The following MTA3 variants were observed in gnomAD, a reference collection of about 807,000 sequenced individuals.
The protein encoded by MTA3 is metastasis-associated protein MTA3.
In MTA3, 34 loss-of-function variants were observed where a neutral mutation model predicts 83.5. The ratio of observed to expected loss-of-function variants is 0.41; its 90% CI spans 0.31 to 0.54. MTA3 has a LOEUF of 0.54. MTA3 is among the 20% of genes least tolerant of loss of function. MTA3 has a pLI of 0.33. For synonymous variants in MTA3, 303 were observed against 252.7 expected (o/e 1.20, Z -1.89); for missense variants, 761 against 726.4 (o/e 1.05, Z -0.55).
chr2:42,735,433 C>G (rs1398950893), intron 16 of MTA3, among the ~76,000 whole-genome samples: 1 of 152,078 alleles, frequency 6.6e-6, no homozygotes, highest in Non-Finnish European at 1.5e-5. Flanking sequence ...TATTAAATGT[C>G]TTGAGGTAAT....
chr2:42,521,782 T>C (rs1196879184), intron 2 of MTA3, among the ~76,000 whole-genome samples: 2 of 127,628 alleles, frequency 1.6e-5, no homozygotes, highest in Non-Finnish European at 3.1e-5. Flanking sequence ...TGAGACAGAG[T>C]CTCACTCTGT....
At chr2:42,547,615 A>C (rs1032296842) in intron 2 of MTA3, among the ~76,000 whole-genome samples, 3 of 152,032 alleles carry the variant, frequency 2.0e-5, no homozygotes, top group Non-Finnish European at 4.4e-5. Context: ...ACAGGCGTCA[A>C]CCCCCGCGCC....
chr2:42,708,736 G>C, intron 13 of MTA3, 138 bp from the exon 14 acceptor site: 1 of 852,050 alleles, frequency 1.2e-6, no homozygotes, highest in Non-Finnish European at 1.9e-6. Flanking sequence ...CTCTCTTTTA[G>C]AGGTAGTGCA....
At chr2:42,709,181 T>C (rs1008324960) in intron 14 of MTA3, 85 bp downstream of exon 14, 3 of 1,491,686 alleles carry the variant, frequency 2.0e-6, no homozygotes, top group Non-Finnish European at 2.7e-6. Flanking sequence ...TTTTTGTTTG[T>C]TTGTTTGCAA....
chr2:42,676,936 C>T (rs576095324), intron 8 of MTA3, among the ~76,000 whole-genome samples: 2 of 152,138 alleles, frequency 1.3e-5, no homozygotes, highest in South Asian at 2.1e-4. Context: ...TTTTCATTTT[C>T]ATGAGGTTAG....
chr2:42,591,909 A>C (rs190142254), intron 3 of MTA3, among the ~76,000 whole-genome samples: 4 of 152,082 alleles, frequency 2.6e-5, no homozygotes, highest in Admixed American at 1.3e-4. Context: ...TTGACCTCCC[A>C]AAGTGTTGGG....
At chr2:42,748,729 C>A (rs983321093) in intron 16 of MTA3, among the ~76,000 whole-genome samples, 5 of 152,146 alleles carry the variant, frequency 3.3e-5, no homozygotes, top group Admixed American at 2.0e-4. Context: ...TCTTGTTTCT[C>A]ACTGCGCCCA....
intron 11 of MTA3, among the ~76,000 whole-genome samples, chr2:42,699,023 A>G (rs990828926): frequency 5.9e-5 from 9 of 152,170 alleles, no homozygotes; most frequent in Non-Finnish European, 1.0e-4. Flanking sequence ...TTATACTTCA[A>G]AGTGCTGCCA....
At chr2:42,523,806 T>A (rs185725384) in intron 2 of MTA3, among the ~76,000 whole-genome samples, 131 of 152,098 alleles carry the variant, frequency 8.6e-4, no homozygotes, top group African/African-American at 3.1e-3. Context: ...TAGCCCCAGC[T>A]ACTTGGGATG....
intron 6 of MTA3, among the ~76,000 whole-genome samples, chr2:42,645,427 A>T (rs907637061): frequency 1.3e-5 from 2 of 152,182 alleles, no homozygotes; most frequent in East Asian, 3.9e-4. Context: ...CGGGAGGCTG[A>T]GGCAAGAGAA....
intron 2 of MTA3, among the ~76,000 whole-genome samples, chr2:42,536,405 G>A (rs969637817): frequency 1.3e-5 from 2 of 150,792 alleles, no homozygotes; most frequent in Non-Finnish European, 3.0e-5. Flanking sequence ...AACCTGGGAG[G>A]CGGAGGTTGC....
intron 8 of MTA3, among the ~76,000 whole-genome samples, chr2:42,663,324 A>G (rs1689911661): frequency 6.6e-6 from 1 of 152,134 alleles, no homozygotes; most frequent in Non-Finnish European, 1.5e-5. Flanking sequence ...ACTGCTTCCC[A>G]CTGCTGGTGA....
intron 2 of MTA3, among the ~76,000 whole-genome samples, chr2:42,553,268 C>A (rs931080400): frequency 6.6e-6 from 1 of 151,076 alleles, no homozygotes; most frequent in Non-Finnish European, 1.5e-5. Flanking sequence ...ACTAAAAATA[C>A]AAAAAATTCG....
chr2:42,611,668 T>G (rs1193302758), intron 4 of MTA3, among the ~76,000 whole-genome samples: 1 of 152,034 alleles, frequency 6.6e-6, no homozygotes, highest in African/African-American at 2.4e-5. Flanking sequence ...ATATAAAAAT[T>G]AGCTGAGCGT....
At chr2:42,731,411 C>T (rs1668220592) in intron 16 of MTA3, among the ~76,000 whole-genome samples, 1 of 152,146 alleles carries the variant, frequency 6.6e-6, no homozygotes, top group East Asian at 1.9e-4. Flanking sequence ...CTTACAGTTC[C>T]ATATGCCTGG....
In MTA3 at chr2:42,609,551, G is replaced by A; in HGVS notation, c.284G>A (p.Arg95His). ...AAACATAGGGAACTCTTTTTGTCAC[G>A]CCAGTATGAATCTCTGCCCGCAACA... Reference protein sequence around the residue: ...QLKHRELFLSRQYESLPATHI... With the variant: ...QLKHRELFLSHQYESLPATHI... Residue 95 changes from arginine (R) to histidine (H), a missense_variant, in exon 4 of 17, where the codon CGC (arginine) becomes CAC (histidine). Physicochemically the swap from Arg to His is conservative, Grantham distance 29 (BLOSUM62 0). Transcript: ENST00000405094. 1 of 1,613,694 alleles carries A rather than the reference G, an allele frequency of 6.2e-7. No individual in the cohort carries two copies. Among genetic ancestry groups the A allele is most frequent in the Non-Finnish European group, 8.5e-7 (1 of 1,179,728 alleles).
At chr2:42,734,870 C>T (rs1043353708) in intron 16 of MTA3, among the ~76,000 whole-genome samples, 1 of 152,118 alleles carries the variant, frequency 6.6e-6, no homozygotes. Flanking sequence ...TTAACTTCAT[C>T]CCCCGCTTTT....
intron 8 of MTA3, among the ~76,000 whole-genome samples, chr2:42,679,371 T>C (rs1348871803): frequency 6.6e-6 from 1 of 152,162 alleles, no homozygotes; most frequent in Non-Finnish European, 1.5e-5. Flanking sequence ...GTTATATAAG[T>C]TACAATTGGG....
chr2:42,657,597 TC>T (rs1437531671), intron 7 of MTA3, among the ~76,000 whole-genome samples: 1 of 152,134 alleles, frequency 6.6e-6, no homozygotes, highest in African/African-American at 2.4e-5. Flanking sequence ...AGGAGTTGGT[TC>T]CTAGTATGTT....
Sources: allele counts gnomAD v4.1 joint callset (sites outside exome capture counted in the v4.1 genomes callset), GRCh38; gene constraint gnomAD v4.1.1; transcripts MANE v1.5; gene names NCBI Gene and HGNC (gene_info 2026-07-23, HGNC 2026-07-21).